PCDHA8: variants seen among roughly 807,000 people sequenced by gnomAD.
PCDHA8 encodes protocadherin alpha-8.
A neutral mutation model predicts 61.8 loss-of-function variants in PCDHA8; 53 were observed. That is an observed-to-expected ratio of 0.86 (90% CI 0.69 to 1.08). The LOEUF (loss-of-function observed/expected upper bound fraction) is 1.08. Ranked by LOEUF, PCDHA8 falls within the 50% of genes least tolerant of loss-of-function variation. PCDHA8 has a pLI of 0.00. For missense variants in PCDHA8, 1,293 were observed against 1,245.0 expected, an observed-to-expected ratio of 1.04 and a Z score of -0.58; for synonymous variants, 618 against 556.6, an observed-to-expected ratio of 1.11 and a Z score of -1.55.
intron 1 of PCDHA8, among the ~76,000 whole-genome samples, chr5:140,942,896 C>CT (rs1554215262): frequency 6.6e-6 from 1 of 151,664 alleles, no homozygotes; most frequent in African/African-American, 2.4e-5. Flanking sequence ...AAATTTATCT[C>CT]TAAGAATAAG....
rs543804071 is a variant in PCDHA8, at chr5:140,951,447, C to T, written c.2395-27502C>T. Among the ~76,000 whole-genome samples the T allele has an allele frequency of 2.2e-4, 34 of 152,004 alleles. No homozygotes were observed. In the South Asian group the frequency reaches 5.8e-3, roughly 26 times the overall value. On this transcript the variant is annotated intron_variant, in intron 1 of 3. Coordinates refer to ENST00000531613, the MANE Select transcript of PCDHA8 (RefSeq NM_018911.3). ...CCACAGGCTGTAGGAAGCATGATGC[C>T]GGCCATCTGCTTGGCTTCTGGGGAG...
intron 1 of PCDHA8, among the ~76,000 whole-genome samples, chr5:140,938,344 G>A (rs569264531): frequency 6.6e-6 from 1 of 152,264 alleles, no homozygotes; most frequent in Non-Finnish European, 1.5e-5. Context: ...GGATAATCTT[G>A]TCTTATTCCT....
intron 3 of PCDHA8, among the ~76,000 whole-genome samples, chr5:140,995,046 A>C (rs193191582): frequency 1.9e-4 from 29 of 152,184 alleles, no homozygotes; most frequent in Non-Finnish European, 3.7e-4. Context: ...CCTTAACTCT[A>C]CTGAATTTTC....
chr5:140,929,499 C>G, intron 1 of PCDHA8: 1 of 980,264 alleles, frequency 1.0e-6, no homozygotes, highest in South Asian at 3.1e-5. Flanking sequence ...GAAGATTGCC[C>G]TAGGCCTCAA....
chr5:140,843,509 G>A lies in PCDHA8; in HGVS notation c.2188G>A (p.Gly730Ser). ...GCGGTGCTCAGCACTGCCCACTGAG[G>A]GCGGGTGCCGGGCGGGCAAGCCCAC... is the stretch of plus-strand genomic sequence containing the variant. ...ALRCSALPTE[G>S]GCRAGKPTLV... The change falls in exon 1 of 4, where the codon GGC (glycine) becomes AGC (serine). Residue 730 changes from glycine (G) to serine (S), a missense_variant. By Grantham distance (56) the Gly-to-Ser change is moderately conservative (BLOSUM62 0). Transcript: ENST00000531613. 6.3e-7 allele frequency: 1 copy of A among 1,595,970 alleles called. No homozygotes were observed.
chr5:140,863,068 C>A, intron 1 of PCDHA8: 1 of 567,906 alleles, frequency 1.8e-6, no homozygotes. Context: ...CCACGTGGGG[C>A]TCTGCACGGG....
At position 140,850,017 on chromosome 5, in the gene PCDHA8, G is replaced by T. The variant is rs2150463566; in HGVS notation, c.2394+6302G>T. ...GGGCGAGCGCTCGCTGTCGAGCTAC[G>T]TGTCAGTGCACGCGGAGAGCGGCAA... is the stretch of plus-strand genomic sequence containing the variant. On this transcript the variant is annotated intron_variant, in intron 1 of 3. Transcript: ENST00000531613. The T allele has an allele frequency of 5.6e-6, 9 of 1,596,972 alleles. 2 individuals are homozygous for T. The highest frequency in any genetic ancestry group is 6.9e-6 in the Non-Finnish European group (8 of 1,167,832).
In PCDHA8 at chr5:140,944,201, G is replaced by T. The variant is rs1389405246; in HGVS notation, c.2395-34748G>T. Among the ~76,000 whole-genome samples, 5 of 152,034 alleles carry T rather than the reference G, an allele frequency of 3.3e-5. No homozygotes were observed. In the East Asian group the frequency reaches 9.6e-4, roughly 29 times the overall value. On this transcript the variant is annotated intron_variant, in intron 1 of 3. Coordinates refer to ENST00000531613, the MANE Select transcript of PCDHA8 (RefSeq NM_018911.3). ...TTGTTGGTTTGTTTTGTTTTGTTTT[G>T]TTTTTAAAGAGGGTTTTACTCTGTC...
At chr5:140,892,480 CA>C (rs1484176083) in intron 1 of PCDHA8, among the ~76,000 whole-genome samples, 14 of 152,110 alleles carry the variant, frequency 9.2e-5, no homozygotes, top group Non-Finnish European at 1.8e-4. Context: ...GTTTCCTAGC[CA>C]AACATGAGAG....
Position 141,011,530 on chromosome 5 carries a change from T to A in PCDHA8, c.*1593T>A, listed in dbSNP as rs1427621980. 1 of 153,810 alleles carries A rather than the reference T, an allele frequency of 6.5e-6. No individual in the cohort carries two copies. The highest frequency in any genetic ancestry group is 1.5e-5 in the Non-Finnish European group (1 of 68,042). The allele number at this position is 153,810 out of a possible 1,614,324, so 9.5% of individuals were successfully genotyped here. A position where few individuals can be genotyped will look rare whatever the true frequency, so the allele number is the denominator to read the frequency against. On this transcript the variant is annotated 3_prime_UTR_variant, in exon 4 of 4. Coordinates refer to ENST00000531613, the MANE Select transcript of PCDHA8 (RefSeq NM_018911.3). ...TGGAGTAGTGTTTTTTTAACCATTG[T>A]TAATCAGCTTTTGTGTATGAAAGAC...
chr5:140,849,902 G>T, intron 1 of PCDHA8: 2 of 1,598,532 alleles, frequency 1.3e-6, no homozygotes, highest in African/African-American at 1.3e-5. Context: ...AGAACAACCC[G>T]CCGGGCTGCC....
chr5:140,900,651 A>G (rs1386674800), intron 1 of PCDHA8, among the ~76,000 whole-genome samples: 3 of 152,232 alleles, frequency 2.0e-5, no homozygotes, highest in African/African-American at 7.2e-5. Flanking sequence ...ACACTGCTGC[A>G]ATGAACAATG....
At chr5:140,978,520 C>T (rs2096807249) in intron 1 of PCDHA8, among the ~76,000 whole-genome samples, 1 of 152,214 alleles carries the variant, frequency 6.6e-6, no homozygotes, top group Non-Finnish European at 1.5e-5. Flanking sequence ...GCAGTCCAGC[C>T]AGGCCAGCAG....
At chr5:140,969,584 G>C in intron 1 of PCDHA8, 1 of 907,936 alleles carries the variant, frequency 1.1e-6, no homozygotes, top group Non-Finnish European at 1.6e-6. Context: ...GTGAGGATTA[G>C]TCTTAATATT....
intron 1 of PCDHA8, among the ~76,000 whole-genome samples, chr5:140,898,250 A>T (rs2066615127): frequency 6.6e-6 from 1 of 152,210 alleles, no homozygotes; most frequent in South Asian, 2.1e-4. Flanking sequence ...TGTTTTAGAC[A>T]TGAAGTCCTT....
chr5:140,883,870 G>A, intron 1 of PCDHA8: 1 of 1,613,302 alleles, frequency 6.2e-7, no homozygotes. Flanking sequence ...TGCAGTTCCA[G>A]GTGAGCGCGC....
At chr5:140,874,161 A>G (rs1173333729) in intron 1 of PCDHA8, among the ~76,000 whole-genome samples, 1 of 152,042 alleles carries the variant, frequency 6.6e-6, no homozygotes, top group Non-Finnish European at 1.5e-5. Context: ...ATTCTTGGTT[A>G]CTCTTTCCTG....
rs1274160852 is a variant in PCDHA8, at chr5:140,922,009, TA to T, written c.2395-56933del. On this transcript the variant is annotated intron_variant, in intron 1 of 3. Coordinates refer to ENST00000531613, the MANE Select transcript of PCDHA8 (RefSeq NM_018911.3). ...AAAGAGTTCAATGAAATGATTAGTTTAAAAAAATAAATATAAAAAATGTAAT... is the reference window on the plus strand; with the variant it reads ...AAAGAGTTCAATGAAATGATTAGTTTAAAAAATAAATATAAAAAATGTAAT... 1.3e-5 allele frequency among the ~76,000 whole-genome samples: 2 copies of T among 152,076 alleles called. 1 individual carries two copies. The highest frequency in any genetic ancestry group is 4.8e-5 in the African/African-American group (2 of 41,508).
chr5:140,946,806 T>A (rs965284033), intron 1 of PCDHA8, among the ~76,000 whole-genome samples: 20 of 151,184 alleles, frequency 1.3e-4, no homozygotes, highest in African/African-American at 4.6e-4. Context: ...GCAGAGAGTA[T>A]AACAGTGATT....
Sources: allele counts gnomAD v4.1 joint callset (sites outside exome capture counted in the v4.1 genomes callset), GRCh38; gene constraint gnomAD v4.1.1; transcripts MANE v1.5; gene names NCBI Gene and HGNC (gene_info 2026-07-23, HGNC 2026-07-21).